PGS1: variants seen among roughly 807,000 people sequenced by gnomAD.
PGS1 encodes the protein CDP-diacylglycerol--glycerol-3-phosphate 3-phosphatidyltransferase, mitochondrial.
PGS1 carries 44 observed loss-of-function variants against 58.3 expected under a neutral mutation model. The observed-to-expected ratio is 0.75, with a 90% confidence interval of 0.59 to 0.97. PGS1 has a LOEUF of 0.97. Ranked by LOEUF, PGS1 falls within the 50% of genes least tolerant of loss-of-function variation. The pLI is 0.00. For synonymous variants in PGS1, 330 were observed against 311.0 expected, an observed-to-expected ratio of 1.06 and a Z score of -0.64; for missense variants, 684 against 731.1, an observed-to-expected ratio of 0.94 and a Z score of 0.74.
At chr17:78,386,618 G>A (rs1567939705) in intron 1 of PGS1, among the ~76,000 whole-genome samples, 1 of 152,192 alleles carries the variant, frequency 6.6e-6, no homozygotes, top group African/African-American at 2.4e-5. Context: ...AATAACCACA[G>A]CCTCTGCCTC....
intron 1 of PGS1, among the ~76,000 whole-genome samples, chr17:78,389,817 T>C (rs2146114083): frequency 6.6e-6 from 1 of 152,086 alleles, no homozygotes; most frequent in South Asian, 2.1e-4. Context: ...GGTTTCACCA[T>C]ATTGGCCAGG....
chr17:78,411,854 C>T lies in PGS1; in HGVS notation c.1403-3025C>T, dbSNP rs528013491. 6.7e-5 allele frequency among the ~76,000 whole-genome samples: 10 copies of T among 149,780 alleles called. No individual in the cohort carries two copies. In the East Asian group the frequency reaches 7.9e-4, roughly 12 times the overall value. On this transcript the variant is annotated intron_variant, in intron 7 of 9. Transcript: ENST00000262764. Reference sequence around the variant, plus strand: ...TGCGGGTCTGACCGGAGCTCCAGACCGCTCAGGCCTAGAGCGAGGGAGATG... The same window carrying T: ...TGCGGGTCTGACCGGAGCTCCAGACTGCTCAGGCCTAGAGCGAGGGAGATG...
chr17:78,419,852 TAA>T, intron 9 of PGS1, 177 bp downstream of exon 9: 1 of 1,376,978 alleles, frequency 7.3e-7, no homozygotes, highest in South Asian at 1.4e-5. Flanking sequence ...AGCTGGATGC[TAA>T]ATTAGGCAGT....
At chr17:78,420,271 G>A in intron 9 of PGS1, 1 of 974,050 alleles carries the variant, frequency 1.0e-6, no homozygotes, top group Non-Finnish European at 1.2e-6. Context: ...GCCCACCCAG[G>A]AGGGGCCTGC....
chr17:78,411,354 T>A (rs540991887), intron 7 of PGS1, among the ~76,000 whole-genome samples: 69 of 152,276 alleles, frequency 4.5e-4, no homozygotes, highest in African/African-American at 1.5e-3. Context: ...AGTATGACTG[T>A]GCAGAAGAGC....
chr17:78,388,560 G>T (rs367907996), intron 1 of PGS1, among the ~76,000 whole-genome samples: 4 of 151,620 alleles, frequency 2.6e-5, no homozygotes, highest in African/African-American at 9.7e-5. Context: ...TGCCTAGGCT[G>T]GTCTGGAGCT....
intron 1 of PGS1, among the ~76,000 whole-genome samples, chr17:78,379,260 A>G (rs2081859462): frequency 6.6e-6 from 1 of 152,122 alleles, no homozygotes; most frequent in African/African-American, 2.4e-5. Context: ...CTGTGAGTGA[A>G]TCACCGTTGC....
intron 2 of PGS1, among the ~76,000 whole-genome samples, chr17:78,395,937 G>A (rs945841381): frequency 2.6e-5 from 4 of 152,148 alleles, no homozygotes; most frequent in African/African-American, 9.7e-5. Context: ...ACAGGGTTTC[G>A]CCATGTTGGC....
chr17:78,392,505 T>A lies in PGS1; in HGVS notation c.173T>A (p.Leu58Gln). The A allele has an allele frequency of 3.1e-6, 5 of 1,613,322 alleles. No individual in the cohort carries two copies. Among genetic ancestry groups the A allele is most frequent in the Non-Finnish European group, 4.2e-6 (5 of 1,179,686 alleles). The change falls in exon 2 of 10, where the codon CTG (leucine) becomes CAG (glutamine). Residue 58 changes from leucine to glutamine, a missense_variant. Transcript: ENST00000262764. ...RSPWLLLAPL[L>Q]SPAVPQVTSP... is the part of the protein sequence containing the mutation. Reference sequence around the variant, plus strand: ...CCATGGCTGTTATTGGCTCCCTTGCTGTCCCCAGCTGTTCCCCAGGTCACC... The same window carrying A: ...CCATGGCTGTTATTGGCTCCCTTGCAGTCCCCAGCTGTTCCCCAGGTCACC...
Position 78,400,743 on chromosome 17 carries a change from G to T in PGS1, c.768G>T (p.Ala256=). Reference sequence around the variant, plus strand: ...GCTACGTGTTCCTGCAGGACTGTGCGGAGATTGCCGACTTCTTCACGGAGC... The same window carrying T: ...GCTACGTGTTCCTGCAGGACTGTGCTGAGATTGCCGACTTCTTCACGGAGC... ...QDRYVFLQDC[A]EIADFFTELV... Residue 256 remains alanine, a synonymous_variant, in exon 6 of 10, where the codon GCG becomes GCT. Coordinates refer to ENST00000262764, the MANE Select transcript of PGS1 (RefSeq NM_024419.5). This position sits in a 1 kb window ranked among gnomAD's most constrained non-coding sequence, Gnocchi z 4.4. The T allele has an allele frequency of 6.2e-7, 1 of 1,614,050 alleles. No homozygotes were observed. The highest frequency in any genetic ancestry group is 8.5e-7 in the Non-Finnish European group (1 of 1,179,992).
In PGS1 at chr17:78,419,657, T is replaced by C; in HGVS notation, c.1663T>C (p.Phe555Leu). Residue 555 changes from phenylalanine to leucine, a missense_variant, in exon 9 of 10, where the codon TTC becomes CTC. Phe to Leu is a conservative substitution (Grantham distance 22, BLOSUM62 0). Coordinates refer to ENST00000262764, the MANE Select transcript of PGS1 (RefSeq NM_024419.5). ...VKMVTPLIKN[F>L]F is the part of the protein sequence containing the mutation. ...GATGGTGACTCCACTGATCAAGAAC[T>C]TCTTCTGAGGACAGACAGGTGCTGT... is the stretch of plus-strand genomic sequence containing the variant. 6.2e-7 allele frequency: 1 copy of C among 1,613,964 alleles called. No individual in the cohort carries two copies. Among genetic ancestry groups the C allele is most frequent in the Non-Finnish European group, 8.5e-7 (1 of 1,179,908 alleles).
chr17:78,413,943 T>A (rs1451325618), intron 7 of PGS1, among the ~76,000 whole-genome samples: 1 of 152,272 alleles, frequency 6.6e-6, no homozygotes, highest in Non-Finnish European at 1.5e-5. Context: ...CCCCGTGCCC[T>A]GCTTTTTCTC....
At chr17:78,406,179 G>T (rs867805470) in intron 7 of PGS1, among the ~76,000 whole-genome samples, 3 of 152,126 alleles carry the variant, frequency 2.0e-5, no homozygotes, top group African/African-American at 7.2e-5. Context: ...TTAGCGGGGC[G>T]TGGTGGCGGG....
rs762364121 is a variant in PGS1 at position 78,424,079 on chromosome 17, T to C, written c.*29T>C. The stretch of plus-strand genomic sequence containing the variant: ...TCCACAGGAATGGCCTTGATGAAGA[T>C]GACAGGCATGGCCGGGGTCAGCTCT... On this transcript the variant is annotated 3_prime_UTR_variant, in exon 10 of 10. Coordinates refer to ENST00000262764, the MANE Select transcript of PGS1 (RefSeq NM_024419.5). 1.9e-6 allele frequency: 3 copies of C among 1,613,896 alleles called. No individual in the cohort carries two copies. Among genetic ancestry groups the C allele is most frequent in the African/African-American group, 1.3e-5 (1 of 74,932 alleles).
At chr17:78,417,928 A>ATT (rs55853667) in intron 8 of PGS1, among the ~76,000 whole-genome samples, 1 of 128,322 alleles carries the variant, frequency 7.8e-6, no homozygotes, top group African/African-American at 2.9e-5. Context: ...GCATATATAA[A>ATT]TTTTTTTTTT....
chr17:78,391,637 C>T (rs1041197409), intron 1 of PGS1, among the ~76,000 whole-genome samples: 13 of 151,994 alleles, frequency 8.6e-5, no homozygotes, highest in African/African-American at 3.1e-4. Flanking sequence ...ACCACCACGC[C>T]CGGCTAATTT....
chr17:78,394,364 G>A (rs549130422), intron 2 of PGS1, among the ~76,000 whole-genome samples: 16 of 151,592 alleles, frequency 1.1e-4, no homozygotes, highest in Non-Finnish European at 2.1e-4. Flanking sequence ...GTTGATCCAC[G>A]CTTAGCTTGA....
At chr17:78,402,381 T>C (rs2083744438) in intron 6 of PGS1, among the ~76,000 whole-genome samples, 1 of 140,664 alleles carries the variant, frequency 7.1e-6, no homozygotes. Flanking sequence ...TCATTTTCAT[T>C]CTAGTAATTT....
At chr17:78,379,178 T>G (rs1396715695) in intron 1 of PGS1, among the ~76,000 whole-genome samples, 4 of 152,184 alleles carry the variant, frequency 2.6e-5, no homozygotes, top group Admixed American at 2.6e-4. Context: ...AGAGGCTGTT[T>G]ATATCATGGT....
Sources: gnomAD v4.1 joint callset for allele counts (sites outside exome capture counted in the v4.1 genomes callset) on GRCh38, gnomAD v4.1.1 for gene constraint, Gnocchi (gnomAD v3.1) non-coding constraint, MANE v1.5 for transcripts, NCBI Gene and HGNC (gene_info 2026-07-23, HGNC 2026-07-21) for gene names.